The following PMS1 variants were observed in gnomAD, a reference collection of about 807,000 sequenced individuals.
PMS1 encodes the protein PMS1 protein homolog 1.
PMS1 carries 79 observed loss-of-function variants against 93.1 expected under a neutral mutation model. The observed-to-expected ratio is 0.85, with a 90% CI of 0.71 to 1.02. The LOEUF is 1.02. Ranked by LOEUF, PMS1 falls within the 50% of genes least tolerant of loss-of-function variation. The pLI is 0.00. For missense variants in PMS1, 1,064 were observed against 1,085.3 expected, an observed-to-expected ratio of 0.98 and a Z score of 0.28; for synonymous variants, 335 against 363.4, an observed-to-expected ratio of 0.92 and a Z score of 0.89.
intron 9 of PMS1, among the ~76,000 whole-genome samples, chr2:189,862,208 A>G (rs2056092142): frequency 1.3e-5 from 2 of 152,088 alleles, no homozygotes; most frequent in South Asian, 2.1e-4. Context: ...TATCATTTCT[A>G]TTGATCTGTC....
intron 4 of PMS1, 41 bp from the exon 5 acceptor site, chr2:189,817,976 C>T: frequency 6.9e-7 from 1 of 1,449,982 alleles, no homozygotes; most frequent in Non-Finnish European, 9.7e-7. Context: ...CTGTGACGTT[C>T]CTTCCAAATC....
chr2:189,826,755 A>C (rs1464424470), intron 5 of PMS1, among the ~76,000 whole-genome samples: 1 of 151,982 alleles, frequency 6.6e-6, no homozygotes, highest in Non-Finnish European at 1.5e-5. Context: ...TTCCTATTTG[A>C]CAGCCTTTTA....
At chr2:189,851,613 T>C (rs1197150149) in intron 6 of PMS1, among the ~76,000 whole-genome samples, 1 of 152,168 alleles carries the variant, frequency 6.6e-6, no homozygotes, top group East Asian at 1.9e-4. Flanking sequence ...GCCATAGACA[T>C]AGGTGGTGGC....
chr2:189,831,702 C>T (rs980967895), intron 5 of PMS1, among the ~76,000 whole-genome samples: 11 of 152,160 alleles, frequency 7.2e-5, no homozygotes, highest in Admixed American at 2.6e-4. Context: ...GAAATCATTA[C>T]TGCACCAGTA....
intron 4 of PMS1, among the ~76,000 whole-genome samples, chr2:189,810,071 T>G (rs1451102731): frequency 1.3e-5 from 2 of 152,138 alleles, no homozygotes; most frequent in Non-Finnish European, 2.9e-5. Flanking sequence ...TACTGACTAG[T>G]GGGGAACACA....
intron 1 of PMS1, among the ~76,000 whole-genome samples, chr2:189,786,276 A>T (rs1286917922): frequency 6.6e-6 from 1 of 152,188 alleles, no homozygotes; most frequent in Non-Finnish European, 1.5e-5. Context: ...TAAAAATTTT[A>T]AGTGGGGCAG....
intron 5 of PMS1, among the ~76,000 whole-genome samples, chr2:189,818,527 T>C (rs1575129709): frequency 6.6e-6 from 1 of 152,302 alleles, no homozygotes; most frequent in East Asian, 1.9e-4. Flanking sequence ...CCTCCAAAAT[T>C]GTGAAAAATA....
At chr2:189,873,396 G>T (rs1188633137) in intron 11 of PMS1, 100 bp from the exon 12 acceptor site, 3 of 761,930 alleles carry the variant, frequency 3.9e-6, no homozygotes, top group Non-Finnish European at 6.8e-6. Context: ...TATTAAATTT[G>T]AATGAGGGTT....
At chr2:189,827,812 A>T (rs536713105) in intron 5 of PMS1, among the ~76,000 whole-genome samples, 1 of 152,312 alleles carries the variant, frequency 6.6e-6, no homozygotes, top group East Asian at 1.9e-4. Flanking sequence ...ATAGAAATAG[A>T]GAGCAGAATA....
intron 5 of PMS1, among the ~76,000 whole-genome samples, chr2:189,840,556 A>T (rs544899770): frequency 6.6e-6 from 1 of 152,360 alleles, no homozygotes; most frequent in East Asian, 1.9e-4. Flanking sequence ...CTTTGAAAGC[A>T]ATAATAGTGA....
chr2:189,828,247 C>T (rs2052621977), intron 5 of PMS1, among the ~76,000 whole-genome samples: 1 of 152,142 alleles, frequency 6.6e-6, no homozygotes, highest in African/African-American at 2.4e-5. Context: ...TTCTTATATT[C>T]TGTCACACCG....
chr2:189,808,867 A>G (rs563749185), intron 4 of PMS1, among the ~76,000 whole-genome samples: 1 of 152,312 alleles, frequency 6.6e-6, no homozygotes, highest in East Asian at 1.9e-4. Flanking sequence ...TACCAAGAAC[A>G]TGGAGTAAAT....
intron 4 of PMS1, among the ~76,000 whole-genome samples, chr2:189,814,231 A>C (rs2051078092): frequency 6.6e-6 from 1 of 152,128 alleles, no homozygotes; most frequent in African/African-American, 2.4e-5. Flanking sequence ...ATGGTGTTCC[A>C]AGGAATTTAA....
Position 189,877,404 on chromosome 2 carries a change from C to T in PMS1, c.2767C>T (p.His923Tyr). The change falls in exon 13 of 13, where the codon CAT (histidine) becomes TAT (tyrosine). Residue 923 changes from histidine (H) to tyrosine (Y), a missense_variant. Coordinates refer to ENST00000441310, the MANE Select transcript of PMS1 (RefSeq NM_000534.5). ...GTGTGTTCATGGTCGCCCATTTTTT[C>T]ATCATTTAACCTATCTTCCAGAAAC... ...KECVHGRPFF[H>Y]HLTYLPETT is the part of the protein sequence containing the mutation. 1 of 1,612,484 alleles carries T rather than the reference C, an allele frequency of 6.2e-7. No individual in the cohort carries two copies. Among genetic ancestry groups the T allele is most frequent in the South Asian group, 1.1e-5 (1 of 91,040 alleles).
At chr2:189,811,108 A>G (rs1280746599) in intron 4 of PMS1, among the ~76,000 whole-genome samples, 1 of 151,798 alleles carries the variant, frequency 6.6e-6, no homozygotes, top group East Asian at 1.9e-4. Context: ...AAAAAGTACT[A>G]TGAAGAATTA....
intron 9 of PMS1, chr2:189,857,617 T>C (rs735559): frequency 0.21 from 79,665 of 373,734 alleles, 15,229 homozygotes; most frequent in African/African-American, 0.69. Context: ...TTCTCTCGAT[T>C]CCTCCTTTCC....
At chr2:189,828,125 C>A (rs1393867968) in intron 5 of PMS1, among the ~76,000 whole-genome samples, 1 of 151,994 alleles carries the variant, frequency 6.6e-6, no homozygotes, top group East Asian at 1.9e-4. Context: ...GGGGTTTCAC[C>A]ATATTAGCCA....
At position 189,852,619 on chromosome 2, in the gene PMS1, A is replaced by G. The variant is rs2054860966; in HGVS notation, c.700-36A>G. On this transcript the variant is annotated intron_variant, in intron 6 of 12. Transcript: ENST00000441310. ...TATATAGCCAGACCCGTGGAACTAC[A>G]TTGTTGACATTGCATATTCTGTAAT... 3.1e-6 allele frequency: 5 copies of G among 1,589,628 alleles called. No homozygotes were observed. The East Asian group carries it at 6.7e-5, about 21-fold the overall frequency.
intron 4 of PMS1, among the ~76,000 whole-genome samples, chr2:189,816,049 T>C (rs1260133189): frequency 2.0e-5 from 3 of 152,092 alleles, no homozygotes; most frequent in Non-Finnish European, 4.4e-5. Context: ...TATAGGCATA[T>C]ACTACCATGC....
Sources: allele counts gnomAD v4.1 joint callset (sites outside exome capture counted in the v4.1 genomes callset), GRCh38; gene constraint gnomAD v4.1.1; transcripts MANE v1.5; gene names NCBI Gene and HGNC (gene_info 2026-07-23, HGNC 2026-07-21).